GAREM2: variants seen among roughly 807,000 people sequenced by gnomAD.
GAREM2 encodes GRB2 associated regulator of MAPK1 subtype 2.
A neutral mutation model predicts 55.6 loss-of-function variants in GAREM2; 30 were observed. That is an observed-to-expected ratio of 0.54 (90% CI 0.40 to 0.73). The LOEUF is 0.73. Among genes scored for constraint, GAREM2 ranks in the 30% least tolerant of loss-of-function variants. The probability of loss-of-function intolerance (pLI) is 0.00; values close to 1 mark genes in which losing one functional copy is unlikely to be tolerated. For synonymous variants in GAREM2, 550 were observed against 569.1 expected (o/e 0.97, Z 0.48); for missense variants, 1,075 against 1,257.7 (o/e 0.85, Z 2.20).
the GAREM2 span, among the ~76,000 whole-genome samples, chr2:26,196,645 TG>T: frequency 5.3e-5 from 8 of 152,178 alleles, no homozygotes; most frequent in African/African-American, 1.9e-4. Context: ...TTTGTCTTTT[TG>T]GCCTTACTTT....
rs1668989563 is a variant in GAREM2 at position 26,179,952 on chromosome 2, G to A, written c.254-3015G>A. ...GGGTGGGGGTTGTGTGTGGACTTGGGGGAGGAGGCGGGAGTGAGGGGAGGA... is the reference window on the plus strand; with the variant it reads ...GGGTGGGGGTTGTGTGTGGACTTGGAGGAGGAGGCGGGAGTGAGGGGAGGA... On this transcript the variant is annotated intron_variant, in intron 2 of 5. Coordinates refer to ENST00000401533, the MANE Select transcript of GAREM2 (RefSeq NM_001168241.2). This position sits in a 1 kb window ranked among gnomAD's most constrained non-coding sequence, Gnocchi z 4.7. Among the ~76,000 whole-genome samples, 1 of 152,076 alleles carries A rather than the reference G, an allele frequency of 6.6e-6. No individual in the cohort carries two copies.
chr2:26,187,137 C>T (rs1365223438), intron 5 of GAREM2, 94 bp from the exon 6 acceptor site: 2 of 1,360,942 alleles, frequency 1.5e-6, no homozygotes, highest in Non-Finnish European at 1.9e-6. Context: ...TTGCTGAGGT[C>T]ATAGTGGTGC....
downstream of GAREM2, chr2:26,193,717 A>T: frequency 6.2e-7 from 1 of 1,614,100 alleles, no homozygotes; most frequent in Non-Finnish European, 8.5e-7. Flanking sequence ...GGCGGCACCC[A>T]CAGGAAAGCC....
intron 3 of GAREM2, among the ~76,000 whole-genome samples, chr2:26,183,807 T>A (rs192396644): frequency 3.7e-4 from 56 of 152,372 alleles, no homozygotes; most frequent in African/African-American, 1.3e-3. Flanking sequence ...ACCCTTTTCT[T>A]ATCCATCAAT....
At position 26,187,279 on chromosome 2, in the gene GAREM2, C is replaced by G; in HGVS notation, c.1647C>G (p.Ser549=). ...GCTCCCCATCGCCGGACACCTACTCCCTCTATTGCTACCCATGCACCTGGG... is the reference window on the plus strand; with the variant it reads ...GCTCCCCATCGCCGGACACCTACTCGCTCTATTGCTACCCATGCACCTGGG... The part of the protein sequence containing the change: ...GSGSPSPDTY[S]LYCYPCTWGD... The change falls in exon 6 of 6, where the codon TCC becomes TCG. Residue 549 remains serine (S), a synonymous_variant. Coordinates refer to ENST00000401533, the MANE Select transcript of GAREM2 (RefSeq NM_001168241.2). The G allele has an allele frequency of 2.7e-6, 4 of 1,471,352 alleles. No individual in the cohort carries two copies. Among genetic ancestry groups the G allele is most frequent in the Non-Finnish European group, 3.6e-6 (4 of 1,107,222 alleles). The allele number at this position is 1,471,352 out of a possible 1,614,324, so 91.1% of individuals were successfully genotyped here.
chr2:26,203,844 T>C, the GAREM2 span, among the ~76,000 whole-genome samples: 29 of 152,336 alleles, frequency 1.9e-4, no homozygotes, highest in Non-Finnish European at 2.9e-4. Context: ...GTCTATGATA[T>C]CTATAACAAA....
the GAREM2 span, among the ~76,000 whole-genome samples, chr2:26,198,375 T>C: frequency 6.6e-6 from 1 of 151,300 alleles, no homozygotes; most frequent in African/African-American, 2.4e-5. Context: ...TCATGTTTTT[T>C]TTTTGTTTTT....
the GAREM2 span, among the ~76,000 whole-genome samples, chr2:26,203,158 A>G: frequency 6.6e-6 from 1 of 152,240 alleles, no homozygotes; most frequent in Admixed American, 6.5e-5. Flanking sequence ...TTATCTTACA[A>G]TAATCTGCCA....
At chr2:26,194,440 A>T, downstream of GAREM2, 2 of 733,212 alleles carry the variant, frequency 2.7e-6, no homozygotes, top group Non-Finnish European at 5.0e-6. Flanking sequence ...AGAGGGCACC[A>T]GGGACCTTCC....
At chr2:26,174,390 G>T (rs1668794525) in intron 1 of GAREM2, among the ~76,000 whole-genome samples, 1 of 152,240 alleles carries the variant, frequency 6.6e-6, no homozygotes, top group African/African-American at 2.4e-5. Context: ...CTGCCCTGGG[G>T]TCTTCTGGCC....
In GAREM2 at chr2:26,187,393, C is replaced by A; in HGVS notation, c.1761C>A (p.Leu587=). The part of the protein sequence containing the change: ...TTQPSQASRA[L]TEPLSGRAAS... The stretch of plus-strand genomic sequence containing the variant: ...AGCCCAGCCAGGCCTCCCGGGCCCT[C>A]ACAGAGCCTCTGAGCGGTCGAGCCG... The change falls in exon 6 of 6, where the codon CTC becomes CTA. Residue 587 remains leucine, a synonymous_variant. Coordinates refer to ENST00000401533, the MANE Select transcript of GAREM2 (RefSeq NM_001168241.2). 1 of 1,547,264 alleles carries A rather than the reference C, an allele frequency of 6.5e-7. No homozygotes were observed. The highest frequency in any genetic ancestry group is 8.7e-7 in the Non-Finnish European group (1 of 1,144,936).
At chr2:26,204,107 G>A in the GAREM2 span, 1 of 1,613,528 alleles carries the variant, frequency 6.2e-7, no homozygotes. Flanking sequence ...AGTGAGGGTG[G>A]CATCTTTAAG....
chr2:26,183,028 C>T lies in GAREM2; in HGVS notation c.315C>T (p.Ser105=), dbSNP rs927521992. ...DVREPVRYFS[S]VEEVASVFPD... ...GGGAGCCAGTGAGGTACTTCAGCAG[C>T]GTGGAGGAGGTGGCCAGTGTCTTCC... The change falls in exon 3 of 6, where the codon AGC becomes AGT. Residue 105 remains serine, a synonymous_variant. Transcript: ENST00000401533. The T allele has an allele frequency of 2.6e-6, 4 of 1,551,700 alleles. No individual in the cohort carries two copies. The highest frequency in any genetic ancestry group is 3.5e-6 in the Non-Finnish European group (4 of 1,146,966).
In GAREM2 at chr2:26,173,292, C is replaced by A; in HGVS notation, c.72C>A (p.Val24=). ...SMGAFPLDLI[V]SRCRLPTLAC... is the part of the protein sequence containing the mutation. Reference sequence around the variant, plus strand: ...GCGCCTTCCCGCTCGACCTCATCGTCAGCCGCTGCCGCCTGCCCACGCTCG... The same window carrying A: ...GCGCCTTCCCGCTCGACCTCATCGTAAGCCGCTGCCGCCTGCCCACGCTCG... The change falls in exon 1 of 6, where the codon GTC becomes GTA. Residue 24 remains valine, a synonymous_variant. Coordinates refer to ENST00000401533, the MANE Select transcript of GAREM2 (RefSeq NM_001168241.2). The A allele has an allele frequency of 7.0e-7, 1 of 1,437,058 alleles. No individual in the cohort carries two copies. The highest frequency in any genetic ancestry group is 9.2e-7 in the Non-Finnish European group (1 of 1,092,896). The allele number at this position is 1,437,058 out of a possible 1,614,324, so 89.0% of individuals were successfully genotyped here.
At chr2:26,174,269 G>T (rs1267639899) in intron 1 of GAREM2, among the ~76,000 whole-genome samples, 4 of 152,196 alleles carry the variant, frequency 2.6e-5, no homozygotes, top group Non-Finnish European at 5.9e-5. Context: ...CCGGGAGCAG[G>T]CTCATGGGGG....
chr2:26,182,007 C>G (rs1263048731), intron 2 of GAREM2: 1 of 992,082 alleles, frequency 1.0e-6, no homozygotes, highest in Non-Finnish European at 1.2e-6. Context: ...AAAGAGTCAC[C>G]TTGTCTTCTC....
downstream of GAREM2, among the ~76,000 whole-genome samples, chr2:26,189,924 G>A (rs1269992449): frequency 3.3e-5 from 5 of 152,234 alleles, no homozygotes; most frequent in African/African-American, 1.2e-4. Flanking sequence ...TTACTGAAGG[G>A]AAAGACCCAG....
In GAREM2 at chr2:26,187,609, C is replaced by T. The variant is rs1339797651; in HGVS notation, c.1977C>T (p.Thr659=). The T allele has an allele frequency of 2.6e-6, 4 of 1,550,030 alleles. No individual in the cohort carries two copies. The highest frequency in any genetic ancestry group is 2.4e-5 in the South Asian group (2 of 83,710). ...GPRTTSGPVA[T]SGPAYSPGPA... ...GAACCACCTCGGGTCCTGTGGCTAC[C>T]TCTGGCCCTGCGTATTCCCCAGGCC... The change falls in exon 6 of 6, where the codon ACC becomes ACT. Residue 659 remains threonine, a synonymous_variant. Coordinates refer to ENST00000401533, the MANE Select transcript of GAREM2 (RefSeq NM_001168241.2).
chr2:26,192,335 G>C, downstream of GAREM2: 2 of 1,598,552 alleles, frequency 1.3e-6, no homozygotes, highest in Non-Finnish European at 1.7e-6. Context: ...GGCAGCTTCA[G>C]ACTCGCTAAA....
Sources: allele counts gnomAD v4.1 joint callset (sites outside exome capture counted in the v4.1 genomes callset), GRCh38; gene constraint gnomAD v4.1.1; non-coding constraint Gnocchi (gnomAD v3.1); transcripts MANE v1.5; gene names NCBI Gene and HGNC (gene_info 2026-07-23, HGNC 2026-07-21).